Variants in CACNA2D1 observed in about 807,000 individuals in gnomAD.
CACNA2D1 encodes the protein voltage-dependent calcium channel subunit alpha-2/delta-1.
In CACNA2D1, 53 loss-of-function variants were observed where a neutral mutation model predicts 171.5. That is an observed-to-expected ratio of 0.31 (90% CI 0.25 to 0.39). CACNA2D1 has a LOEUF of 0.39. CACNA2D1 is among the 10% of genes least tolerant of loss of function. The pLI, the probability that CACNA2D1 is intolerant of heterozygous loss-of-function variation, is 1.00. For missense variants in CACNA2D1, 903 were observed against 1,299.8 expected, an observed-to-expected ratio of 0.69 and a Z score of 4.69; for synonymous variants, 442 against 443.1, an observed-to-expected ratio of 1.00 and a Z score of 0.03.
intron 26 of CACNA2D1, 37 bp downstream of exon 26, chr7:81,971,740 A>G (rs900541568): frequency 2.6e-6 from 3 of 1,138,166 alleles, no homozygotes; most frequent in South Asian, 2.5e-5. Flanking sequence ...ATTGAAATGC[A>G]GAATACATAT....
chr7:82,035,876 A>G (rs998217272), intron 11 of CACNA2D1, among the ~76,000 whole-genome samples: 1 of 152,100 alleles, frequency 6.6e-6, no homozygotes, highest in Admixed American at 6.6e-5. Flanking sequence ...TGTAGTTTTG[A>G]GCTTTTAATT....
intron 1 of CACNA2D1, among the ~76,000 whole-genome samples, chr7:82,436,745 T>C (rs1830143078): frequency 6.6e-6 from 1 of 152,164 alleles, no homozygotes; most frequent in Non-Finnish European, 1.5e-5. Flanking sequence ...TTCACCACAA[T>C]GCCTGTTGCT....
chr7:82,378,415 A>C (rs1823265844), intron 1 of CACNA2D1, among the ~76,000 whole-genome samples: 1 of 152,100 alleles, frequency 6.6e-6, no homozygotes, highest in Non-Finnish European at 1.5e-5. Flanking sequence ...TAAATAAATA[A>C]ATAAATTTAA....
intron 6 of CACNA2D1, among the ~76,000 whole-genome samples, chr7:82,109,637 T>C (rs1195441026): frequency 1.3e-5 from 2 of 152,214 alleles, no homozygotes; most frequent in Non-Finnish European, 2.9e-5. Context: ...TTGACTGTTG[T>C]TCATGAAACA....
At chr7:82,134,010 T>C (rs1791319160) in intron 5 of CACNA2D1, among the ~76,000 whole-genome samples, 1 of 151,616 alleles carries the variant, frequency 6.6e-6, no homozygotes, top group Non-Finnish European at 1.5e-5. Flanking sequence ...GAGGTGGAGC[T>C]TGCAGTGAAC....
rs1381433706 is a variant in CACNA2D1 at position 82,392,865 on chromosome 7, G to A, written c.96-43216C>T. Among the ~76,000 whole-genome samples, 7 of 151,530 alleles carry A rather than the reference G, an allele frequency of 4.6e-5. No homozygotes were observed. In the South Asian group the frequency reaches 8.3e-4, roughly 18 times the overall value. The stretch of plus-strand genomic sequence containing the variant: ...GCTTGAGTGCCTCTATAAGGCATTG[G>A]GAAAAAAACAGACAATAAATAAATT... On this transcript the variant is annotated intron_variant, in intron 1 of 38. Coordinates refer to ENST00000356860, the MANE Select transcript of CACNA2D1 (RefSeq NM_000722.4).
chr7:82,233,373 T>C (rs1044842593), intron 3 of CACNA2D1, among the ~76,000 whole-genome samples: 1 of 152,178 alleles, frequency 6.6e-6, no homozygotes, highest in East Asian at 1.9e-4. Context: ...GGTAAACATA[T>C]TCATATGATG....
intron 18 of CACNA2D1, among the ~76,000 whole-genome samples, chr7:82,004,478 A>G (rs1186298362): frequency 1.3e-5 from 2 of 151,610 alleles, no homozygotes; most frequent in Non-Finnish European, 2.9e-5. Context: ...AATATATTAC[A>G]TTTAATGTAT....
At chr7:82,135,374 AG>A (rs1364915317) in intron 5 of CACNA2D1, among the ~76,000 whole-genome samples, 1 of 152,120 alleles carries the variant, frequency 6.6e-6, no homozygotes, top group East Asian at 1.9e-4. Flanking sequence ...ATTTTGTTTT[AG>A]TTGACAGTTT....
intron 4 of CACNA2D1, among the ~76,000 whole-genome samples, chr7:82,168,148 G>A (rs1410893113): frequency 6.6e-6 from 1 of 151,624 alleles, no homozygotes; most frequent in African/African-American, 2.4e-5. Context: ...TTTTTTGGTG[G>A]GGGCTTGGGG....
intron 12 of CACNA2D1, among the ~76,000 whole-genome samples, chr7:82,022,741 G>T (rs372145298): frequency 6.6e-6 from 1 of 151,870 alleles, no homozygotes; most frequent in East Asian, 1.9e-4. Flanking sequence ...AAATAGAAAA[G>T]ACTTTCTCAA....
At chr7:82,002,418 A>G (rs1798706416) in intron 18 of CACNA2D1, among the ~76,000 whole-genome samples, 2 of 152,186 alleles carry the variant, frequency 1.3e-5, no homozygotes, top group Non-Finnish European at 2.9e-5. Flanking sequence ...AGTCTATAGT[A>G]TTTTGTTATA....
At position 82,146,327 on chromosome 7, in the gene CACNA2D1, C is replaced by T. The variant is rs745825833; in HGVS notation, c.355-9651G>A. Among the ~76,000 whole-genome samples, 306 of 109,702 alleles carry T rather than the reference C, an allele frequency of 2.8e-3. 2 individuals carry two copies. The Middle Eastern group carries it at 0.049, about 18-fold the overall frequency. 72.0% of individuals were successfully genotyped at this position (109,702 alleles called of 152,430 possible). ...ATATATATACGTGTGTGTGTGTGTG[C>T]GTGTGTGTGTGTGTAGAAGAAATGA... On this transcript the variant is annotated intron_variant, in intron 4 of 38. Transcript: ENST00000356860.
At chr7:82,111,446 T>TA (rs1305523365) in intron 6 of CACNA2D1, among the ~76,000 whole-genome samples, 4,501 of 80,254 alleles carry the variant, frequency 0.056, 517 homozygotes, top group Admixed American at 0.11. Context: ...ATATATATAT[T>TA]TTTTTTTTTT....
At chr7:82,268,912 T>C (rs1043826520) in intron 3 of CACNA2D1, among the ~76,000 whole-genome samples, 2 of 152,096 alleles carry the variant, frequency 1.3e-5, no homozygotes, top group African/African-American at 4.8e-5. Flanking sequence ...AACAGGAAAT[T>C]GAAAAGACAG....
chr7:82,378,938 C>CGTGTGT (rs533854397), intron 1 of CACNA2D1, among the ~76,000 whole-genome samples: 39 of 139,168 alleles, frequency 2.8e-4, no homozygotes, highest in South Asian at 1.0e-3. Flanking sequence ...GGGGTTGACT[C>CGTGTGT]GTGTGTGTGT....
intron 3 of CACNA2D1, among the ~76,000 whole-genome samples, chr7:82,178,748 C>T (rs146359485): frequency 4.6e-5 from 7 of 152,198 alleles, no homozygotes; most frequent in African/African-American, 1.4e-4. Flanking sequence ...ACAGTCCATG[C>T]CCTTCACTAG....
At chr7:82,099,531 G>C (rs1327146960) in intron 6 of CACNA2D1, among the ~76,000 whole-genome samples, 3 of 56,476 alleles carry the variant, frequency 5.3e-5, no homozygotes, top group African/African-American at 1.1e-4. Flanking sequence ...CTCACTGCAA[G>C]CTCCGCCTCC....
At chr7:82,043,880 GA>G (rs914431455) in intron 10 of CACNA2D1, among the ~76,000 whole-genome samples, 3 of 152,124 alleles carry the variant, frequency 2.0e-5, no homozygotes, top group African/African-American at 7.2e-5. Flanking sequence ...CATCTTCTTG[GA>G]GTACCAAGTC....
Sources: allele counts gnomAD v4.1 joint callset (sites outside exome capture counted in the v4.1 genomes callset), GRCh38; gene constraint gnomAD v4.1.1; transcripts MANE v1.5; gene names NCBI Gene and HGNC (gene_info 2026-07-23, HGNC 2026-07-21).